The following NDUFS4 variants were observed in gnomAD, a reference collection of about 807,000 sequenced individuals.
The protein encoded by NDUFS4 is NADH dehydrogenase [ubiquinone] iron-sulfur protein 4, mitochondrial.
Under a neutral mutation model 24.3 loss-of-function variants are expected in NDUFS4, and 28 were observed. The observed-to-expected ratio is 1.15, with a 90% confidence interval of 0.85 to 1.58. The LOEUF (loss-of-function observed/expected upper bound fraction) is 1.58, where lower values mean the gene tolerates loss of function less well. Among genes scored for constraint, NDUFS4 ranks in the 40% most tolerant of loss-of-function variants. The pLI, the probability that NDUFS4 is intolerant of heterozygous loss-of-function variation, is 0.00. For synonymous variants in NDUFS4, 93 were observed against 69.7 expected, an observed-to-expected ratio of 1.34 and a Z score of -1.67; for missense variants, 223 against 207.9, an observed-to-expected ratio of 1.07 and a Z score of -0.45.
At chr5:53,593,328 A>G (rs1750033362) in intron 1 of NDUFS4, among the ~76,000 whole-genome samples, 1 of 151,702 alleles carries the variant, frequency 6.6e-6, no homozygotes, top group Non-Finnish European at 1.5e-5. Flanking sequence ...AGTTGTTCAT[A>G]ATATTTCCCT....
At chr5:53,615,580 T>G (rs1056188470) in intron 2 of NDUFS4, among the ~76,000 whole-genome samples, 10 of 152,070 alleles carry the variant, frequency 6.6e-5, no homozygotes, top group African/African-American at 2.4e-4. Flanking sequence ...GGCAGTGATA[T>G]GGAAGCTTTA....
intron 1 of NDUFS4, among the ~76,000 whole-genome samples, chr5:53,576,932 C>T (rs1195844203): frequency 6.6e-6 from 1 of 152,098 alleles, no homozygotes; most frequent in Non-Finnish European, 1.5e-5. Context: ...AGGATGTATG[C>T]TCTTGGAACA....
chr5:53,669,667 C>T (rs540798654), intron 4 of NDUFS4, among the ~76,000 whole-genome samples: 3 of 152,210 alleles, frequency 2.0e-5, no homozygotes, highest in East Asian at 1.9e-4. Flanking sequence ...TGTATGTCAG[C>T]GCTGTATGGC....
chr5:53,609,904 C>G (rs978306442), intron 2 of NDUFS4, among the ~76,000 whole-genome samples: 1 of 152,134 alleles, frequency 6.6e-6, no homozygotes, highest in African/African-American at 2.4e-5. Context: ...CTAGATTAGA[C>G]TTTGAATTAA....
chr5:53,664,413 T>C (rs1312040054), intron 4 of NDUFS4, among the ~76,000 whole-genome samples: 2 of 152,218 alleles, frequency 1.3e-5, no homozygotes, highest in Non-Finnish European at 2.9e-5. Context: ...CTGGATAATA[T>C]CCTGCAGAGT....
At chr5:53,675,792 T>C (rs940097560) in intron 4 of NDUFS4, among the ~76,000 whole-genome samples, 7 of 152,296 alleles carry the variant, frequency 4.6e-5, no homozygotes, top group African/African-American at 1.7e-4. Flanking sequence ...GATGGTCAGA[T>C]TGCAAAACCA....
At position 53,601,456 on chromosome 5, in the gene NDUFS4, A is replaced by G. The variant is rs370177508; in HGVS notation, c.99-1996A>G. ...TGGATTACAACTAATATATACTAAG[A>G]TTTTCTTAAACAATTAGGACATAAT... On this transcript the variant is annotated intron_variant, in intron 1 of 4. Coordinates refer to ENST00000296684, the MANE Select transcript of NDUFS4 (RefSeq NM_002495.4). Among the ~76,000 whole-genome samples, 11 of 152,304 alleles carry G rather than the reference A, an allele frequency of 7.2e-5. No individual in the cohort carries two copies. The East Asian group carries it at 2.1e-3, about 29-fold the overall frequency.
intron 2 of NDUFS4, among the ~76,000 whole-genome samples, chr5:53,611,206 T>G (rs1235561868): frequency 1.4e-5 from 2 of 140,062 alleles, no homozygotes; most frequent in Admixed American, 7.0e-5. Flanking sequence ...AAACTTGTGG[T>G]TTTTTTTTTT....
At chr5:53,579,281 A>G (rs1242828630) in intron 1 of NDUFS4, among the ~76,000 whole-genome samples, 1 of 152,208 alleles carries the variant, frequency 6.6e-6, no homozygotes, top group Admixed American at 6.5e-5. Flanking sequence ...AAATTAGATA[A>G]TATTTTATAT....
intron 2 of NDUFS4, among the ~76,000 whole-genome samples, chr5:53,637,661 T>C (rs1751596825): frequency 6.6e-6 from 1 of 152,064 alleles, no homozygotes; most frequent in South Asian, 2.1e-4. Flanking sequence ...AAACAAAACA[T>C]TAAAGACCCA....
intron 1 of NDUFS4, among the ~76,000 whole-genome samples, chr5:53,562,367 A>C (rs373733582): frequency 9.8e-4 from 149 of 152,308 alleles, no homozygotes; most frequent in African/African-American, 3.5e-3. Flanking sequence ...CCCAGAACTG[A>C]AAACAAGTTT....
chr5:53,598,242 C>T (rs1162359277), intron 1 of NDUFS4, among the ~76,000 whole-genome samples: 1 of 152,158 alleles, frequency 6.6e-6, no homozygotes, highest in Non-Finnish European at 1.5e-5. Context: ...AGCAGTTGTG[C>T]TCCTGGGTAT....
chr5:53,561,445 A>G (rs1235749157), intron 1 of NDUFS4, among the ~76,000 whole-genome samples: 1 of 152,098 alleles, frequency 6.6e-6, no homozygotes, highest in Admixed American at 6.6e-5. Flanking sequence ...ACTTTTCCAA[A>G]GTATTGTCAG....
At chr5:53,676,251 G>A (rs72753680) in intron 4 of NDUFS4, among the ~76,000 whole-genome samples, 19,777 of 152,026 alleles carry the variant, frequency 0.13, 1,492 homozygotes, top group Middle Eastern at 0.18. Context: ...CAGACTTTAT[G>A]TATCTCTCAA....
chr5:53,656,546 A>C (rs968000676), intron 3 of NDUFS4, among the ~76,000 whole-genome samples: 17 of 152,204 alleles, frequency 1.1e-4, no homozygotes, highest in African/African-American at 3.9e-4. Context: ...AGGAAGGAAC[A>C]AATTGAACTG....
chr5:53,637,026 A>G (rs1209842419), intron 2 of NDUFS4, among the ~76,000 whole-genome samples: 2 of 152,202 alleles, frequency 1.3e-5, no homozygotes, highest in East Asian at 1.9e-4. Flanking sequence ...ACAGGCTAAT[A>G]CACTTAACCT....
At position 53,616,333 on chromosome 5, in the gene NDUFS4, A is replaced by G. The variant is rs183579905; in HGVS notation, c.177+12803A>G. On this transcript the variant is annotated intron_variant, in intron 2 of 4. Transcript: ENST00000296684. Reference sequence around the variant, plus strand: ...AAGCATATGCCAGCTTTATTCATAAATAATTATGGTATTTTTCATAGATTA... The same window carrying G: ...AAGCATATGCCAGCTTTATTCATAAGTAATTATGGTATTTTTCATAGATTA... Among the ~76,000 whole-genome samples the G allele has an allele frequency of 1.7e-3, 252 of 152,228 alleles. 1 individual carries two copies. Among genetic ancestry groups the G allele is most frequent in the African/African-American group, 5.5e-3 (229 of 41,532 alleles).
chr5:53,643,774 T>TAC (rs1194000909), intron 2 of NDUFS4, among the ~76,000 whole-genome samples: 1 of 152,144 alleles, frequency 6.6e-6, no homozygotes, highest in African/African-American at 2.4e-5. Context: ...CCAAGCCTCT[T>TAC]TATTCTGTCT....
chr5:53,598,382 A>T (rs1268349968), intron 1 of NDUFS4, among the ~76,000 whole-genome samples: 1 of 152,140 alleles, frequency 6.6e-6, no homozygotes, highest in African/African-American at 2.4e-5. Context: ...GTTTTGAAAG[A>T]TTTTTTTAAA....
Sources: gnomAD v4.1 joint callset for allele counts (sites outside exome capture counted in the v4.1 genomes callset) on GRCh38, gnomAD v4.1.1 for gene constraint, MANE v1.5 for transcripts, NCBI Gene and HGNC (gene_info 2026-07-23, HGNC 2026-07-21) for gene names.